HIF1A: variants seen among roughly 807,000 people sequenced by gnomAD.
HIF1A encodes hypoxia-inducible factor 1-alpha.
Under a neutral mutation model 92.7 loss-of-function variants are expected in HIF1A, and 24 were observed. The ratio of observed to expected loss-of-function variants is 0.26; its 90% CI spans 0.19 to 0.36. The LOEUF is 0.36. Among genes scored for constraint, HIF1A ranks in the 10% least tolerant of loss-of-function variants. The pLI is 1.00. For synonymous variants in HIF1A, 319 were observed against 338.7 expected (o/e 0.94, Z 0.64); for missense variants, 799 against 998.5 (o/e 0.80, Z 2.69).
At position 61,744,717 on chromosome 14, in the gene HIF1A, T is replaced by C. The variant is rs767114534; in HGVS notation, c.2106T>C (p.Pro702=). 6 of 1,537,264 alleles carry C rather than the reference T, an allele frequency of 3.9e-6. No homozygotes were observed. Among genetic ancestry groups the C allele is most frequent in the African/African-American group, 2.8e-5 (2 of 72,698 alleles). ...SVALSQRTTV[P]EEELNPKILA... is the part of the protein sequence containing the mutation. ...TTTTTCTTTTCAGAACTACAGTTCC[T>C]GAGGAAGAACTAAATCCAAAGATAC... Residue 702 remains proline (P), a synonymous_variant, in exon 13 of 15, where the codon CCT becomes CCC. Coordinates refer to ENST00000337138, the MANE Select transcript of HIF1A (RefSeq NM_001530.4).
chr14:61,699,706 A>G (rs1056533837), intron 1 of HIF1A, among the ~76,000 whole-genome samples: 4 of 152,168 alleles, frequency 2.6e-5, no homozygotes, highest in African/African-American at 9.7e-5. Flanking sequence ...TCCAATCAAG[A>G]AATTGATTTT....
intron 1 of HIF1A, among the ~76,000 whole-genome samples, chr14:61,718,788 CT>C (rs1353095288): frequency 9.9e-5 from 15 of 151,926 alleles, no homozygotes; most frequent in Non-Finnish European, 1.5e-4. Flanking sequence ...TAGTTTCTTC[CT>C]TTTTTTCCTC....
At chr14:61,743,189 A>T (rs2044735253) in intron 12 of HIF1A, among the ~76,000 whole-genome samples, 1 of 152,058 alleles carries the variant, frequency 6.6e-6, no homozygotes, top group Non-Finnish European at 1.5e-5. Context: ...CTCGTGCCTC[A>T]GCCTCCCGAG....
intron 4 of HIF1A, among the ~76,000 whole-genome samples, chr14:61,722,426 G>A (rs1398240196): frequency 6.6e-6 from 1 of 151,994 alleles, no homozygotes; most frequent in Non-Finnish European, 1.5e-5. Context: ...TGTGATAGGG[G>A]TTCTTGCTGT....
rs1267622043 is a variant in HIF1A at position 61,724,147 on chromosome 14, G to A, written c.457+2324G>A. 3.3e-5 allele frequency among the ~76,000 whole-genome samples: 5 copies of A among 149,458 alleles called. No individual in the cohort carries two copies. In the East Asian group the frequency reaches 9.8e-4, roughly 29 times the overall value. On this transcript the variant is annotated intron_variant, in intron 4 of 14. Coordinates refer to ENST00000337138, the MANE Select transcript of HIF1A (RefSeq NM_001530.4). ...TTTTTTGTTTTTTTTTTCCTCATTA[G>A]GAAAACACTAGTACTTTTCAGTTAC...
intron 13 of HIF1A, among the ~76,000 whole-genome samples, chr14:61,745,173 C>T (rs1439149310): frequency 1.3e-5 from 2 of 152,106 alleles, no homozygotes; most frequent in African/African-American, 4.8e-5. Flanking sequence ...GCCTGTAATC[C>T]CAGCACTTTG....
chr14:61,733,587 G>T (rs2044601787), intron 7 of HIF1A, among the ~76,000 whole-genome samples: 1 of 152,128 alleles, frequency 6.6e-6, no homozygotes, highest in African/African-American at 2.4e-5. Context: ...TTGAACTCAA[G>T]AGTAAATCCA....
At chr14:61,718,426 G>A (rs2044387294) in intron 1 of HIF1A, among the ~76,000 whole-genome samples, 1 of 152,168 alleles carries the variant, frequency 6.6e-6, no homozygotes, top group African/African-American at 2.4e-5. Flanking sequence ...GGGGGTTGGG[G>A]AGGAAGTGAG....
At chr14:61,744,912 A>G in intron 13 of HIF1A, 99 bp downstream of exon 13, 1 of 532,512 alleles carries the variant, frequency 1.9e-6, no homozygotes, top group Non-Finnish European at 3.4e-6. Context: ...TTTCTTCCAA[A>G]TAGTAAAGTT....
intron 7 of HIF1A, among the ~76,000 whole-genome samples, chr14:61,733,398 AC>A (rs1298459811): frequency 6.6e-6 from 1 of 152,196 alleles, no homozygotes; most frequent in East Asian, 1.9e-4. Context: ...TACTATAGTC[AC>A]CCAAAACAAG....
rs748097838 is a variant in HIF1A, at chr14:61,727,674, G to A, written c.773+19G>A. 1.9e-6 allele frequency: 3 copies of A among 1,556,950 alleles called. No homozygotes were observed. The highest frequency in any genetic ancestry group is 1.8e-6 in the Non-Finnish European group (2 of 1,128,772). On this transcript the variant is annotated intron_variant, in intron 6 of 14. Transcript: ENST00000337138. ...ATGAAAGGTAAATTAGATCTAAAAT[G>A]TGAATTTGAAATTTTTAATTAGTCT... is the stretch of plus-strand genomic sequence containing the variant.
At chr14:61,711,007 A>G (rs537935026) in intron 1 of HIF1A, among the ~76,000 whole-genome samples, 16 of 151,032 alleles carry the variant, frequency 1.1e-4, no homozygotes, top group Admixed American at 7.3e-4. Context: ...AGATCGCACC[A>G]CTGTACTTCA....
At chr14:61,701,813 CCCCATCTCTACTAAAAATA>C (rs1180110574) in intron 1 of HIF1A, among the ~76,000 whole-genome samples, 1 of 151,906 alleles carries the variant, frequency 6.6e-6, no homozygotes, top group African/African-American at 2.4e-5. Context: ...CATGGTGAAA[CCCCATCTCTACTAAAAATA>C]CCAAAATTAG....
intron 1 of HIF1A, among the ~76,000 whole-genome samples, chr14:61,718,016 C>T (rs2044382799): frequency 1.1e-5 from 1 of 91,700 alleles, no homozygotes; most frequent in Non-Finnish European, 3.0e-5. Context: ...AGCAGAACTC[C>T]ATTAAAAAAA....
rs1165838369 is a variant in HIF1A, at chr14:61,747,673, T to TTAATCATATAA, written c.*593_*603dup. On this transcript the variant is annotated 3_prime_UTR_variant, in exon 15 of 15. Coordinates refer to ENST00000337138, the MANE Select transcript of HIF1A (RefSeq NM_001530.4). ...TTGTTAAACCTGGAACATGACATTGTTAATCATATAATAATGATTCTTAAA... is the reference window on the plus strand; with the variant it reads ...TTGTTAAACCTGGAACATGACATTGTTAATCATATAATAATCATATAATAATGATTCTTAAA... 1 of 152,624 alleles carries TTAATCATATAA rather than the reference T, an allele frequency of 6.6e-6. No individual in the cohort carries two copies. Among genetic ancestry groups the TTAATCATATAA allele is most frequent in the African/African-American group, 2.4e-5 (1 of 41,466 alleles). 9.5% of individuals were successfully genotyped at this position (152,624 alleles called of 1,614,324 possible).
At chr14:61,740,306 C>G in intron 10 of HIF1A, 199 bp from the exon 11 acceptor site, 1 of 388,500 alleles carries the variant, frequency 2.6e-6, no homozygotes. Flanking sequence ...ACCTCATTAT[C>G]CCTCCACCTT....
At chr14:61,735,713 C>A (rs564479072) in intron 8 of HIF1A, among the ~76,000 whole-genome samples, 1 of 152,262 alleles carries the variant, frequency 6.6e-6, no homozygotes, top group East Asian at 1.9e-4. Context: ...GCTCATCATC[C>A]CTCTTCAGCC....
At chr14:61,697,887 G>T in intron 1 of HIF1A, 1 of 1,517,922 alleles carries the variant, frequency 6.6e-7, no homozygotes. Flanking sequence ...AAACAAATTT[G>T]TCTTTTTAAA....
chr14:61,741,762 T>C (rs930694531), intron 12 of HIF1A, among the ~76,000 whole-genome samples: 1 of 152,228 alleles, frequency 6.6e-6, no homozygotes, highest in Non-Finnish European at 1.5e-5. Context: ...AGCTCAGTAC[T>C]GTAAATGTGT....
Sources: allele counts gnomAD v4.1 joint callset (sites outside exome capture counted in the v4.1 genomes callset), GRCh38; gene constraint gnomAD v4.1.1; transcripts MANE v1.5; gene names NCBI Gene and HGNC (gene_info 2026-07-23, HGNC 2026-07-21).